The following NAV3 variants were observed in gnomAD, a reference collection of about 807,000 sequenced individuals.
NAV3 encodes the protein neuron navigator 3.
A neutral mutation model predicts 244.7 loss-of-function variants in NAV3; 87 were observed. That is an observed-to-expected ratio of 0.36 (90% CI 0.30 to 0.42). NAV3 has a LOEUF of 0.42. NAV3 is among the 20% of genes least tolerant of loss of function. The probability of loss-of-function intolerance (pLI) is 1.00; values close to 1 mark genes in which losing one functional copy is unlikely to be tolerated. For missense variants in NAV3, 2,663 were observed against 2,893.3 expected, an observed-to-expected ratio of 0.92 and a Z score of 1.83; for synonymous variants, 1,126 against 1,042.2, an observed-to-expected ratio of 1.08 and a Z score of -1.55.
At position 77,769,466 on chromosome 12, in the gene NAV3, T is replaced by A. The variant is rs914039378; in HGVS notation, c.73-170853T>A. Among the ~76,000 whole-genome samples, 7 of 152,348 alleles carry A rather than the reference T, an allele frequency of 4.6e-5. No homozygotes were observed. The South Asian group carries it at 1.0e-3, about 23-fold the overall frequency. ...CTGTATTTGAAAAGAGGAATGTTGA[T>A]CTGTTTTGTAAAGTTGGCCCAATAA... On this transcript the variant is annotated intron_variant, in intron 2 of 8. Transcript: ENST00000550042.
chr12:77,771,567 T>C (rs10745604), intron 2 of NAV3, among the ~76,000 whole-genome samples: 140,499 of 152,218 alleles, frequency 0.92, 65,636 homozygotes, highest in East Asian at 1. Context: ...ATATACACCA[T>C]GGAATACTAT....
At chr12:77,728,794 A>T (rs1876996059) in intron 2 of NAV3, among the ~76,000 whole-genome samples, 1 of 151,750 alleles carries the variant, frequency 6.6e-6, no homozygotes, top group Admixed American at 6.6e-5. Flanking sequence ...TTATACCTAG[A>T]TCTTTTTCAA....
At chr12:78,081,485 T>C (rs1485149645) in intron 12 of NAV3, among the ~76,000 whole-genome samples, 1 of 152,198 alleles carries the variant, frequency 6.6e-6, no homozygotes, top group Non-Finnish European at 1.5e-5. Context: ...TGTGCTGTGC[T>C]GTGGATGCTC....
intron 2 of NAV3, among the ~76,000 whole-genome samples, chr12:77,738,312 C>T (rs1389067726): frequency 2.6e-5 from 4 of 152,172 alleles, no homozygotes; most frequent in Non-Finnish European, 4.4e-5. Context: ...TCCTTAACCT[C>T]TCTGTGCTTC....
At chr12:77,931,784 G>T (rs1478754869) in intron 1 of NAV3, among the ~76,000 whole-genome samples, 2 of 151,950 alleles carry the variant, frequency 1.3e-5, no homozygotes, top group Non-Finnish European at 2.9e-5. Context: ...GGAGAATGGC[G>T]TGAACCCGGG....
intron 1 of NAV3, among the ~76,000 whole-genome samples, chr12:77,916,700 A>G (rs1313665085): frequency 6.6e-6 from 1 of 152,048 alleles, no homozygotes; most frequent in Non-Finnish European, 1.5e-5. Context: ...TTTTCGTCAG[A>G]CTTTTGAGTT....
chr12:77,749,825 G>A (rs963992690), intron 2 of NAV3, among the ~76,000 whole-genome samples: 1 of 152,130 alleles, frequency 6.6e-6, no homozygotes, highest in Admixed American at 6.5e-5. Context: ...ATATCAGAGT[G>A]GGTCTAAAAG....
At chr12:77,814,819 A>G (rs1485832740) in intron 2 of NAV3, among the ~76,000 whole-genome samples, 1 of 152,218 alleles carries the variant, frequency 6.6e-6, no homozygotes, top group East Asian at 1.9e-4. Context: ...ACTAATTAAT[A>G]CACTGCTGTT....
intron 39 of NAV3, among the ~76,000 whole-genome samples, chr12:78,208,258 C>A (rs1357904188): frequency 6.6e-6 from 1 of 152,044 alleles, no homozygotes; most frequent in Non-Finnish European, 1.5e-5. Context: ...CTAATCCATT[C>A]CCTCCAGAGT....
At chr12:77,907,809 A>G (rs1886149401) in intron 1 of NAV3, among the ~76,000 whole-genome samples, 1 of 152,100 alleles carries the variant, frequency 6.6e-6, no homozygotes, top group African/African-American at 2.4e-5. Flanking sequence ...TATATTCCAC[A>G]CATATGTGAT....
intron 12 of NAV3, among the ~76,000 whole-genome samples, chr12:78,083,158 G>A (rs748154191): frequency 3.7e-4 from 56 of 152,218 alleles, no homozygotes; most frequent in Non-Finnish European, 7.3e-4. Context: ...TCCCAAGGCA[G>A]TGCAGGGCAT....
intron 2 of NAV3, among the ~76,000 whole-genome samples, chr12:77,716,793 T>C (rs1201777844): frequency 1.3e-5 from 2 of 152,040 alleles, no homozygotes; most frequent in Non-Finnish European, 2.9e-5. Context: ...TGCCTTATTT[T>C]CTTACCTATA....
At chr12:77,872,716 C>T (rs1192720653) in intron 1 of NAV3, among the ~76,000 whole-genome samples, 5 of 152,114 alleles carry the variant, frequency 3.3e-5, no homozygotes, top group Admixed American at 1.3e-4. Context: ...ATTTTAATAT[C>T]CCTCCTTTGT....
At chr12:77,965,965 A>C (rs1892476658) in intron 3 of NAV3, among the ~76,000 whole-genome samples, 1 of 152,282 alleles carries the variant, frequency 6.6e-6, no homozygotes, top group South Asian at 2.1e-4. Context: ...GTTTTATGTT[A>C]AGTAGGTGGG....
intron 2 of NAV3, among the ~76,000 whole-genome samples, chr12:77,812,087 A>G (rs1452760296): frequency 6.6e-6 from 1 of 152,044 alleles, no homozygotes. Flanking sequence ...GATGTGCTCT[A>G]TTTTTTACTG....
chr12:77,874,181 T>C (rs549546189), intron 1 of NAV3, among the ~76,000 whole-genome samples: 18 of 152,168 alleles, frequency 1.2e-4, no homozygotes, highest in African/African-American at 4.3e-4. Flanking sequence ...ACTGCTGACC[T>C]AGCCAACACT....
chr12:77,986,140 T>A (rs967641830), intron 5 of NAV3, among the ~76,000 whole-genome samples: 3 of 152,170 alleles, frequency 2.0e-5, no homozygotes, highest in Admixed American at 2.0e-4. Context: ...GGCGGGTGGA[T>A]CACTTGAGGT....
chr12:78,163,584 C>CAAAAATA (rs1158987754), intron 23 of NAV3, among the ~76,000 whole-genome samples: 1 of 151,666 alleles, frequency 6.6e-6, no homozygotes, highest in Admixed American at 6.6e-5. Context: ...ATAAAAATTA[C>CAAAAATA]AAAAATAAAA....
chr12:77,959,626 G>GA (rs1435488900), intron 3 of NAV3, among the ~76,000 whole-genome samples: 3 of 151,606 alleles, frequency 2.0e-5, no homozygotes, highest in African/African-American at 4.8e-5. Flanking sequence ...TTCTTAAATT[G>GA]AAAAAATCAG....
Sources: allele counts gnomAD v4.1 joint callset (sites outside exome capture counted in the v4.1 genomes callset), GRCh38; gene constraint gnomAD v4.1.1; transcripts MANE v1.5; gene names NCBI Gene and HGNC (gene_info 2026-07-23, HGNC 2026-07-21).